The following EHMT1 variants were observed in gnomAD, a reference collection of about 807,000 sequenced individuals.
EHMT1 encodes the protein euchromatic histone lysine methyltransferase 1.
Under a neutral mutation model 147.2 loss-of-function variants are expected in EHMT1, and 15 were observed. The observed-to-expected ratio is 0.10, with a 90% CI of 0.07 to 0.16. The LOEUF (loss-of-function observed/expected upper bound fraction) is 0.16. EHMT1 is among the 10% of genes least tolerant of loss of function. EHMT1 has a pLI of 1.00. For synonymous variants in EHMT1, 795 were observed against 709.6 expected, an observed-to-expected ratio of 1.12 and a Z score of -1.91; for missense variants, 1,587 against 1,772.4, an observed-to-expected ratio of 0.90 and a Z score of 1.88.
intron 1 of EHMT1, chr9:137,680,961 C>T (rs1941885323): frequency 6.6e-6 from 1 of 152,314 alleles, no homozygotes; most frequent in African/African-American, 2.4e-5. Flanking sequence ...TCTGCATTAT[C>T]TGTGTGTGCC....
chr9:137,802,920 G>A (rs539354153), intron 18 of EHMT1: 4 of 1,232,570 alleles, frequency 3.2e-6, no homozygotes, highest in South Asian at 8.2e-5. Context: ...GGAAGCAGAG[G>A]AGCCCTGAGC....
intron 9 of EHMT1, 41 bp from the exon 10 acceptor site, chr9:137,762,634 G>A: frequency 6.2e-7 from 1 of 1,613,856 alleles, no homozygotes; most frequent in Non-Finnish European, 8.5e-7. Context: ...TTCTTTTGAG[G>A]TCAGGATTGC....
rs556564117 is a variant in EHMT1 at position 137,825,350 on chromosome 9, AC to A, written c.3540+7213del. ...GCCTTCCCCACTCCGAGCCACGGCC[AC>A]GCTGACTTGCTTCCTGCAATCCTGC... On this transcript the variant is annotated intron_variant, in intron 25 of 26. Transcript: ENST00000460843. Among the ~76,000 whole-genome samples the A allele has an allele frequency of 2.0e-5, 3 of 152,352 alleles. No homozygotes were observed. In the South Asian group the frequency reaches 6.2e-4, roughly 32 times the overall value.
intron 3 of EHMT1, among the ~76,000 whole-genome samples, chr9:137,718,063 C>G (rs552663677): frequency 6.6e-6 from 1 of 150,444 alleles, no homozygotes; most frequent in African/African-American, 2.5e-5. Context: ...CCACCCCTCA[C>G]GCACTGTGAT....
chr9:137,737,363 T>C (rs1564663705), intron 4 of EHMT1, among the ~76,000 whole-genome samples: 1 of 152,212 alleles, frequency 6.6e-6, no homozygotes, highest in Non-Finnish European at 1.5e-5. Context: ...TTGTGTTATA[T>C]GATCAGTTGA....
At chr9:137,662,035 C>A (rs1939139528) in intron 1 of EHMT1, among the ~76,000 whole-genome samples, 1 of 152,158 alleles carries the variant, frequency 6.6e-6, no homozygotes, top group Non-Finnish European at 1.5e-5. Context: ...CTCCTGACTT[C>A]AGGTGATCTG....
At chr9:137,825,191 A>T (rs539555999) in intron 25 of EHMT1, among the ~76,000 whole-genome samples, 26 of 152,312 alleles carry the variant, frequency 1.7e-4, no homozygotes, top group Admixed American at 9.2e-4. Flanking sequence ...GGGCTTTGCC[A>T]CGCTGCCTTC....
At chr9:137,752,241 GT>G in intron 6 of EHMT1, 89 bp from the exon 7 acceptor site, 1 of 1,482,220 alleles carries the variant, frequency 6.7e-7, no homozygotes, top group East Asian at 2.4e-5. Flanking sequence ...CCGTTTCGAG[GT>G]TTGCTTTGGA....
chr9:137,688,536 T>A (rs1942656922), intron 1 of EHMT1, among the ~76,000 whole-genome samples: 2 of 152,164 alleles, frequency 1.3e-5, no homozygotes, highest in Non-Finnish European at 2.9e-5. Context: ...CTTGAAATGA[T>A]CACTTGGGAA....
At chr9:137,715,371 T>G (rs112241515) in intron 2 of EHMT1, among the ~76,000 whole-genome samples, 2 of 152,360 alleles carry the variant, frequency 1.3e-5, no homozygotes, top group African/African-American at 4.8e-5. Flanking sequence ...AACACACACA[T>G]TAGATGCCAG....
intron 16 of EHMT1, among the ~76,000 whole-genome samples, chr9:137,796,920 G>A (rs894181976): frequency 1.3e-5 from 2 of 152,116 alleles, no homozygotes; most frequent in African/African-American, 4.8e-5. Context: ...CCTTACTGGT[G>A]GGGCGCGGGG....
rs1303979081 is a variant in EHMT1, at chr9:137,775,152, G to A, written c.1691G>A (p.Arg564His). Residue 564 changes from arginine to histidine, a missense_variant, in exon 11 of 27, where the codon CGC becomes CAC. By Grantham distance (29) the Arg-to-His change is conservative. Transcript: ENST00000460843. This position sits in a 1 kb window ranked among gnomAD's most constrained non-coding sequence, Gnocchi z 6.1. ...AGCGTGGTCAAGTATGAGCTGATGC[G>A]CCCCTCCAACAAGGCCCCGCTCCTC... Reference protein sequence around the residue: ...TNSVVKYELMRPSNKAPLLVL... With the variant: ...TNSVVKYELMHPSNKAPLLVL... The A allele has an allele frequency of 2.5e-6, 4 of 1,613,998 alleles. No homozygotes were observed. Among genetic ancestry groups the A allele is most frequent in the Non-Finnish European group, 3.4e-6 (4 of 1,180,010 alleles).
intron 14 of EHMT1, among the ~76,000 whole-genome samples, chr9:137,781,321 TGGTGATGACGCTGA>T (rs1177069122): frequency 5.0e-5 from 7 of 139,922 alleles, no homozygotes; most frequent in African/African-American, 1.8e-4. Context: ...CTGAGATGTG[TGGTGATGACGCTGA>T]GACGTGTGGT....
intron 1 of EHMT1, among the ~76,000 whole-genome samples, chr9:137,642,144 AT>A (rs1844537232): frequency 6.6e-6 from 1 of 152,016 alleles, no homozygotes. Flanking sequence ...CCGGCCCCAA[AT>A]TTTTTAATCT....
At chr9:137,702,630 C>T (rs184989375) in intron 1 of EHMT1, among the ~76,000 whole-genome samples, 7 of 152,158 alleles carry the variant, frequency 4.6e-5, no homozygotes, top group Middle Eastern at 3.4e-3. Context: ...CTTTTCTAGG[C>T]GTGTGGTACA....
At chr9:137,717,336 C>G (rs534833816) in intron 3 of EHMT1, 154 bp downstream of exon 3, 1 of 996,314 alleles carries the variant, frequency 1.0e-6, no homozygotes, top group South Asian at 1.4e-5. Context: ...GGAGCAGTGG[C>G]TTACAGCTGT....
rs1031695920 is a variant in EHMT1, at chr9:137,752,426, C to T, written c.1248+18C>T. 1.2e-6 allele frequency: 2 copies of T among 1,611,426 alleles called. No individual in the cohort carries two copies. Among genetic ancestry groups the T allele is most frequent in the Admixed American group, 1.7e-5 (1 of 59,638 alleles). On this transcript the variant is annotated intron_variant, in intron 7 of 26. Coordinates refer to ENST00000460843, the MANE Select transcript of EHMT1 (RefSeq NM_024757.5). Reference sequence around the variant, plus strand: ...CTGACCTGGTAATGCCCAGCGCCTCCTCCTGCGTCTGTGCTGATGTAGAGG... The same window carrying T: ...CTGACCTGGTAATGCCCAGCGCCTCTTCCTGCGTCTGTGCTGATGTAGAGG...
chr9:137,757,779 G>C, intron 8 of EHMT1, 101 bp from the exon 9 acceptor site: 1 of 1,545,958 alleles, frequency 6.5e-7, no homozygotes, highest in Non-Finnish European at 8.9e-7. Flanking sequence ...TTAATTAGAA[G>C]TAGTCCATTT....
rs1263679649 is a variant in EHMT1 at position 137,834,082 on chromosome 9, G to A, written c.3541-267G>A. ...GCGCTGGAAGCCCCATGGGGACGCC[G>A]TCAAGGGAACGGCCCGCACCACCCC... On this transcript the variant is annotated intron_variant, in intron 25 of 26. Transcript: ENST00000460843. 9.0e-6 allele frequency: 5 copies of A among 554,358 alleles called. No homozygotes were observed. The Admixed American group carries it at 9.4e-5, about 10-fold the overall frequency. 34.3% of individuals were successfully genotyped at this position (554,358 alleles called of 1,614,324 possible).
Sources: gnomAD v4.1 joint callset for allele counts (sites outside exome capture counted in the v4.1 genomes callset) on GRCh38, gnomAD v4.1.1 for gene constraint, Gnocchi (gnomAD v3.1) non-coding constraint, MANE v1.5 for transcripts, NCBI Gene and HGNC (gene_info 2026-07-23, HGNC 2026-07-21) for gene names.